SLC35D1: variants seen among roughly 807,000 people sequenced by gnomAD.
SLC35D1 encodes the protein nucleotide sugar transporter SLC35D1.
In SLC35D1, 31 loss-of-function variants were observed where a neutral mutation model predicts 46.7. That is an observed-to-expected ratio of 0.66 (90% confidence interval 0.50 to 0.90). The LOEUF (loss-of-function observed/expected upper bound fraction) is 0.90. Ranked by LOEUF, SLC35D1 falls within the 40% of genes least tolerant of loss-of-function variation. The probability of loss-of-function intolerance (pLI) is 0.00; values close to 1 mark genes in which losing one functional copy is unlikely to be tolerated. For missense variants in SLC35D1, 397 were observed against 426.2 expected, an observed-to-expected ratio of 0.93 and a Z score of 0.60; for synonymous variants, 195 against 164.6, an observed-to-expected ratio of 1.18 and a Z score of -1.41.
chr1:66,975,391 G>C, the SLC35D1 span, among the ~76,000 whole-genome samples: 4 of 152,018 alleles, frequency 2.6e-5, no homozygotes, highest in Admixed American at 2.6e-4. Flanking sequence ...CCTGAGTTTG[G>C]TGGCATGCAA....
chr1:67,019,174 G>C (rs1667745903), intron 10 of SLC35D1, among the ~76,000 whole-genome samples: 2 of 152,162 alleles, frequency 1.3e-5, no homozygotes, highest in Non-Finnish European at 1.5e-5. Flanking sequence ...ATTAAACATA[G>C]GCTTTCCGGC....
chr1:66,976,237 C>T, the SLC35D1 span, among the ~76,000 whole-genome samples: 4 of 150,352 alleles, frequency 2.7e-5, no homozygotes, highest in Non-Finnish European at 4.4e-5. Context: ...CTCCTGACCT[C>T]GTGATCCACC....
intron 3 of SLC35D1, 39 bp from the exon 4 acceptor site, chr1:67,052,118 A>G (rs372112875): frequency 7.4e-7 from 1 of 1,350,572 alleles, no homozygotes; most frequent in African/African-American, 1.4e-5. Context: ...CTCAATAATA[A>G]AGATAGCTAA....
rs1490498772 is a variant in SLC35D1 at position 67,003,857 on chromosome 1, G to A, written c.*483C>T. The A allele has an allele frequency of 5.1e-6, 1 of 195,830 alleles. No individual in the cohort carries two copies. Among genetic ancestry groups the A allele is most frequent in the African/African-American group, 2.4e-5 (1 of 42,106 alleles). The allele number at this position is 195,830 out of a possible 1,614,324, so 12.1% of individuals were successfully genotyped here. A position where few individuals can be genotyped will look rare whatever the true frequency, so the allele number is the denominator to read the frequency against. ...TTGGCAAATGGAATGATGATATGAT[G>A]AAGACAATGCAATCATAAGAAATAA... On this transcript the variant is annotated 3_prime_UTR_variant, in exon 12 of 12. Coordinates refer to ENST00000235345, the MANE Select transcript of SLC35D1 (RefSeq NM_015139.3).
At chr1:66,996,162 G>A (rs940540716), downstream of SLC35D1, among the ~76,000 whole-genome samples, 4 of 152,120 alleles carry the variant, frequency 2.6e-5, no homozygotes, top group African/African-American at 7.2e-5. Context: ...ACACATAGTC[G>A]GCCCTCAGTA....
At chr1:67,012,847 C>T (rs1485883332) in intron 10 of SLC35D1, among the ~76,000 whole-genome samples, 1 of 152,078 alleles carries the variant, frequency 6.6e-6, no homozygotes, top group Non-Finnish European at 1.5e-5. Flanking sequence ...GTCAGAGAAT[C>T]AGCCCCTTTT....
intron 10 of SLC35D1, among the ~76,000 whole-genome samples, chr1:67,014,830 T>C (rs189209845): frequency 1.3e-5 from 2 of 151,748 alleles, no homozygotes; most frequent in Admixed American, 6.6e-5. Context: ...AGACTTTAGA[T>C]TCTAATGTCT....
At chr1:67,012,553 A>G (rs1667589252) in intron 10 of SLC35D1, among the ~76,000 whole-genome samples, 1 of 150,668 alleles carries the variant, frequency 6.6e-6, no homozygotes, top group Non-Finnish European at 1.5e-5. Flanking sequence ...ATCAAAAAAA[A>G]AAAAAAAAAA....
At chr1:67,007,034 T>C (rs914040353) in intron 11 of SLC35D1, among the ~76,000 whole-genome samples, 1 of 152,182 alleles carries the variant, frequency 6.6e-6, no homozygotes, top group Non-Finnish European at 1.5e-5. Flanking sequence ...TGTCTGAGGA[T>C]TAAATGAGAT....
chr1:67,013,287 C>G (rs1481877156), intron 10 of SLC35D1, among the ~76,000 whole-genome samples: 6 of 150,624 alleles, frequency 4.0e-5, no homozygotes, highest in African/African-American at 1.5e-4. Context: ...AGGCTCACAC[C>G]TGTAATCCCA....
chr1:67,004,379 A>T lies in SLC35D1; in HGVS notation c.1029T>A (p.Ala343=). ...TCCCCTTAATGTCCAGCTTGTTATT[A>T]GCCTCTGACTGTTTGCTCAGCTGCT... ...TEEQLSKQSE[A]NNKLDIKGKG... The change falls in exon 12 of 12, where the codon GCT becomes GCA. Residue 343 remains alanine, a synonymous_variant. Coordinates refer to ENST00000235345, the MANE Select transcript of SLC35D1 (RefSeq NM_015139.3). The T allele has an allele frequency of 1.9e-6, 3 of 1,614,070 alleles. No homozygotes were observed. The highest frequency in any genetic ancestry group is 2.5e-6 in the Non-Finnish European group (3 of 1,179,984).
chr1:67,021,268 C>T (rs1476833998), intron 9 of SLC35D1, among the ~76,000 whole-genome samples: 1 of 152,166 alleles, frequency 6.6e-6, no homozygotes, highest in Non-Finnish European at 1.5e-5. Flanking sequence ...AGAGATAAAA[C>T]TATATAATGC....
chr1:67,015,328 C>T (rs1222051459), intron 10 of SLC35D1, among the ~76,000 whole-genome samples: 2 of 151,680 alleles, frequency 1.3e-5, no homozygotes, highest in Non-Finnish European at 2.9e-5. Context: ...GATTTATTTA[C>T]AAGGCTTTAT....
At chr1:66,996,517 G>A (rs1371162445), downstream of SLC35D1, among the ~76,000 whole-genome samples, 1 of 152,232 alleles carries the variant, frequency 6.6e-6, no homozygotes, top group Non-Finnish European at 1.5e-5. Context: ...CACCGGGCAA[G>A]TGTGCCTCTC....
At chr1:66,981,928 C>G in the SLC35D1 span, 1 of 1,612,358 alleles carries the variant, frequency 6.2e-7, no homozygotes, top group Non-Finnish European at 8.5e-7. Context: ...GGTAAGCAAC[C>G]AGAGAAACAT....
chr1:66,995,811 C>A (rs990331042), downstream of SLC35D1, among the ~76,000 whole-genome samples: 1 of 152,182 alleles, frequency 6.6e-6, no homozygotes, highest in Non-Finnish European at 1.5e-5. Flanking sequence ...CCCATACATT[C>A]ATATGCATAT....
intron 10 of SLC35D1, among the ~76,000 whole-genome samples, chr1:67,015,781 G>T (rs1667672702): frequency 6.6e-6 from 1 of 152,002 alleles, no homozygotes; most frequent in Admixed American, 6.6e-5. Flanking sequence ...CAAAAAAGAG[G>T]GGGTAGAGGG....
downstream of SLC35D1, among the ~76,000 whole-genome samples, chr1:66,998,525 A>G (rs1471388575): frequency 6.6e-6 from 1 of 152,208 alleles, no homozygotes; most frequent in Non-Finnish European, 1.5e-5. Flanking sequence ...GGGATCTTGA[A>G]AAGTATTTGT....
intron 8 of SLC35D1, among the ~76,000 whole-genome samples, chr1:67,029,663 C>T (rs1667979552): frequency 1.3e-5 from 2 of 152,174 alleles, no homozygotes; most frequent in Admixed American, 6.6e-5. Flanking sequence ...GTGAACTTTG[C>T]TTTTGTTTTA....
Sources: allele counts gnomAD v4.1 joint callset (sites outside exome capture counted in the v4.1 genomes callset), GRCh38; gene constraint gnomAD v4.1.1; transcripts MANE v1.5; gene names NCBI Gene and HGNC (gene_info 2026-07-23, HGNC 2026-07-21).